DOCK3: variants seen among roughly 807,000 people sequenced by gnomAD.
DOCK3 encodes dedicator of cytokinesis 3, also known as dedicator of cytokinesis protein 3.
A neutral mutation model predicts 265.6 loss-of-function variants in DOCK3; 60 were observed. The observed-to-expected ratio is 0.23, with a 90% CI of 0.18 to 0.28. The LOEUF is 0.28. DOCK3 is among the 10% of genes least tolerant of loss of function. DOCK3 has a pLI of 1.00. For missense variants in DOCK3, 1,981 were observed against 2,594.3 expected (o/e 0.76, Z 5.14); for synonymous variants, 881 against 938.0 (o/e 0.94, Z 1.11).
chr3:51,179,135 A>AT lies in DOCK3; in HGVS notation c.1037+18440dup, dbSNP rs1004525209. The stretch of plus-strand genomic sequence containing the variant: ...ATATTGTCCTCCCAGCTGTAAACAC[A>AT]TTTTTTTGTCCAACAAACAGAACAC... On this transcript the variant is annotated intron_variant, in intron 12 of 52. Coordinates refer to ENST00000266037, the MANE Select transcript of DOCK3 (RefSeq NM_004947.5). Among the ~76,000 whole-genome samples the AT allele has an allele frequency of 1.1e-4, 17 of 152,286 alleles. 1 individual carries two copies. Among genetic ancestry groups the AT allele is most frequent in the South Asian group, 6.2e-4 (3 of 4,824 alleles).
intron 27 of DOCK3, among the ~76,000 whole-genome samples, chr3:51,308,633 C>T (rs2082847597): frequency 6.6e-6 from 1 of 152,256 alleles, no homozygotes; most frequent in Non-Finnish European, 1.5e-5. Flanking sequence ...TACACAGACA[C>T]AGCAACCATC....
At chr3:51,022,014 A>G (rs781542856) in intron 5 of DOCK3, among the ~76,000 whole-genome samples, 6 of 152,192 alleles carry the variant, frequency 3.9e-5, no homozygotes, top group Non-Finnish European at 7.3e-5. Context: ...AATGTGATCC[A>G]TGTCACCTTT....
At chr3:51,333,099 C>A in intron 34 of DOCK3, 59 bp from the exon 35 acceptor site, 8 of 1,613,836 alleles carry the variant, frequency 5.0e-6, no homozygotes, top group Non-Finnish European at 6.8e-6. Context: ...GGACTTCACT[C>A]TTGTGCCCAG....
At position 50,778,915 on chromosome 3, in the gene DOCK3, A is replaced by G. The variant is rs1307645985; in HGVS notation, c.121+157A>G. On this transcript the variant is annotated intron_variant, in intron 2 of 52. Transcript: ENST00000266037. ...ATAAAATTCTTCCTGATCTGTGTTC[A>G]GCATAAAGGTATGAGCTTTTTTGAT... Among the ~76,000 whole-genome samples the G allele has an allele frequency of 2.6e-5, 4 of 152,240 alleles. No homozygotes were observed. In the East Asian group the frequency reaches 7.7e-4, roughly 29 times the overall value.
At chr3:51,202,696 C>T (rs1344727324) in intron 12 of DOCK3, among the ~76,000 whole-genome samples, 1 of 152,106 alleles carries the variant, frequency 6.6e-6, no homozygotes, top group Non-Finnish European at 1.5e-5. Context: ...GATACCAAAG[C>T]CTGGCAGAGA....
intron 2 of DOCK3, among the ~76,000 whole-genome samples, chr3:50,832,725 C>G (rs1485206367): frequency 1.3e-5 from 2 of 152,106 alleles, no homozygotes; most frequent in Non-Finnish European, 2.9e-5. Context: ...CAAGGGAACT[C>G]TTAATCCTAA....
chr3:51,310,456 G>A (rs139379146), intron 28 of DOCK3, 130 bp downstream of exon 28: 4 of 806,976 alleles, frequency 5.0e-6, no homozygotes, highest in Middle Eastern at 4.9e-4. Context: ...GAGAGGAGAG[G>A]GCAAATGAGA....
chr3:51,345,539 T>C (rs2085507905), intron 38 of DOCK3, among the ~76,000 whole-genome samples: 1 of 152,156 alleles, frequency 6.6e-6, no homozygotes, highest in African/African-American at 2.4e-5. Flanking sequence ...AGAGAATCTC[T>C]TGAGCCCAAG....
At chr3:50,697,983 A>G (rs2035741662) in intron 1 of DOCK3, among the ~76,000 whole-genome samples, 1 of 152,012 alleles carries the variant, frequency 6.6e-6, no homozygotes, top group African/African-American at 2.4e-5. Flanking sequence ...TTTGCTTACT[A>G]TTTTTCTTTT....
intron 1 of DOCK3, among the ~76,000 whole-genome samples, chr3:50,694,279 TA>T (rs373461281): frequency 5.4e-5 from 8 of 146,890 alleles, no homozygotes; most frequent in South Asian, 2.2e-4. Context: ...CCAAAAAAAC[TA>T]AAAAAAAAAT....
intron 21 of DOCK3, among the ~76,000 whole-genome samples, chr3:51,239,197 C>CG: frequency 4.2e-5 from 1 of 23,940 alleles, no homozygotes; most frequent in Non-Finnish European, 1.0e-4. Context: ...ATAAAGCGTA[C>CG]TTTTTATTTA....
At chr3:50,931,466 T>C (rs4078296) in intron 4 of DOCK3, among the ~76,000 whole-genome samples, 12,405 of 152,230 alleles carry the variant, frequency 0.081, 1,140 homozygotes, top group East Asian at 0.33. Flanking sequence ...GCAGCATTCT[T>C]AAGATGTGGT....
At chr3:50,887,916 A>G (rs982310722) in intron 3 of DOCK3, among the ~76,000 whole-genome samples, 1 of 152,216 alleles carries the variant, frequency 6.6e-6, no homozygotes, top group Non-Finnish European at 1.5e-5. Flanking sequence ...CTGAATGGGC[A>G]AAAACTGGAA....
chr3:50,869,139 T>C (rs1479923915), intron 3 of DOCK3, among the ~76,000 whole-genome samples: 3 of 150,622 alleles, frequency 2.0e-5, no homozygotes, highest in Non-Finnish European at 4.4e-5. Context: ...CACGCCTGGC[T>C]AATTTTTTGT....
At chr3:50,947,872 T>G (rs1209549055) in intron 5 of DOCK3, among the ~76,000 whole-genome samples, 2 of 149,844 alleles carry the variant, frequency 1.3e-5, no homozygotes, top group Non-Finnish European at 3.0e-5. Flanking sequence ...TTTTTTTTTT[T>G]TTTTATGGAG....
At position 51,278,111 on chromosome 3, in the gene DOCK3, A is replaced by T; in HGVS notation, c.2823+357A>T. 4.1e-6 allele frequency: 4 copies of T among 985,426 alleles called. No homozygotes were observed. In the African/African-American group the frequency reaches 5.2e-5, roughly 13 times the overall value. The allele number at this position is 985,426 out of a possible 1,614,324, so 61.0% of individuals were successfully genotyped here. A position where few individuals can be genotyped will look rare whatever the true frequency, so the allele number is the denominator to read the frequency against. On this transcript the variant is annotated intron_variant, in intron 26 of 52. Transcript: ENST00000266037. ...GACTATTTCTTCTAGGAACCCCCTCATACAGGTTCTCCTAAATGATGTACA... is the reference window on the plus strand; with the variant it reads ...GACTATTTCTTCTAGGAACCCCCTCTTACAGGTTCTCCTAAATGATGTACA...
At chr3:51,365,595 T>C (rs370383184) in intron 49 of DOCK3, among the ~76,000 whole-genome samples, 1 of 152,208 alleles carries the variant, frequency 6.6e-6, no homozygotes, top group Non-Finnish European at 1.5e-5. Context: ...CCAGTTTTTG[T>C]CCATTCAGTA....
rs370848128 is a variant in DOCK3 at position 51,360,626 on chromosome 3, G to A, written c.5000G>A (p.Arg1667Gln). The A allele has an allele frequency of 1.1e-5, 18 of 1,613,738 alleles. No homozygotes were observed. Among genetic ancestry groups the A allele is most frequent in the East Asian group, 6.7e-5 (3 of 44,880 alleles). Reference sequence around the variant, plus strand: ...CCGGAGAGCATCAAGATGACCCACCGGCACAGGTATGGCCTTAGGGCTGGG... The same window carrying A: ...CCGGAGAGCATCAAGATGACCCACCAGCACAGGTATGGCCTTAGGGCTGGG... ...MSPESIKMTH[R>Q]HSPMNLMGTG... The change falls in exon 47 of 53, where the codon CGG (arginine) becomes CAG (glutamine). Residue 1667 changes from arginine (R) to glutamine (Q), a missense_variant. Physicochemically the swap from Arg to Gln is conservative, Grantham distance 43. Around this residue, in one of 4 missense-constraint regions of DOCK3, gnomAD observed 1,357 missense variants for 1,866.8 expected, o/e 0.73. Transcript: ENST00000266037.
chr3:51,208,840 C>T lies in DOCK3; in HGVS notation c.1104C>T (p.Tyr368=). The T allele has an allele frequency of 6.2e-7, 1 of 1,611,812 alleles. No homozygotes were observed. Among genetic ancestry groups the T allele is most frequent in the Non-Finnish European group, 8.5e-7 (1 of 1,179,132 alleles). The stretch of plus-strand genomic sequence containing the variant: ...TCATCCGAAAGTCCAGTGCCAAGTA[C>T]TCTGCCCCCAGCGCCAGCCATGGTG... ...ENIIRKSSAK[Y]SAPSASHGLI... is the part of the protein sequence containing the mutation. Residue 368 remains tyrosine (Y), a synonymous_variant, in exon 13 of 53, where the codon TAC becomes TAT. Coordinates refer to ENST00000266037, the MANE Select transcript of DOCK3 (RefSeq NM_004947.5).
Sources: gnomAD v4.1 joint callset for allele counts (sites outside exome capture counted in the v4.1 genomes callset) on GRCh38, gnomAD v4.1.1 for gene constraint, gnomAD v4.1.1 regional missense constraint, MANE v1.5 for transcripts, NCBI Gene and HGNC (gene_info 2026-07-23, HGNC 2026-07-21) for gene names.